Variants in CAMK1D observed in about 807,000 individuals in gnomAD.
CAMK1D encodes calcium/calmodulin-dependent protein kinase type 1D.
A neutral mutation model predicts 47.7 loss-of-function variants in CAMK1D; 9 were observed. The observed-to-expected ratio is 0.19, with a 90% CI of 0.11 to 0.33. CAMK1D has a LOEUF of 0.33. Among genes scored for constraint, CAMK1D ranks in the 10% least tolerant of loss-of-function variants. CAMK1D has a pLI of 1.00. For synonymous variants in CAMK1D, 184 were observed against 184.9 expected (o/e 0.99, Z 0.04); for missense variants, 291 against 488.7 (o/e 0.60, Z 3.81).
At chr10:12,427,698 C>CTTTTTTTTTTTTTTTTTTTT (rs1588474191) in intron 1 of CAMK1D, among the ~76,000 whole-genome samples, 1 of 27,388 alleles carries the variant, frequency 3.7e-5, no homozygotes. Context: ...ACTGAACTTA[C>CTTTTTTTTTTTTTTTTTTTT]TGTTTTTTTT....
intron 2 of CAMK1D, among the ~76,000 whole-genome samples, chr10:12,657,554 T>C (rs1840154315): frequency 6.6e-6 from 1 of 152,246 alleles, no homozygotes; most frequent in African/African-American, 2.4e-5. Flanking sequence ...TTAAGACATT[T>C]ATTGTCTACA....
intron 1 of CAMK1D, among the ~76,000 whole-genome samples, chr10:12,518,125 T>G (rs183607414): frequency 1.7e-3 from 261 of 152,332 alleles, no homozygotes; most frequent in African/African-American, 5.8e-3. Context: ...TTTTATCTAC[T>G]AAAGAACTGG....
chr10:12,820,579 C>T (rs1481181096), intron 8 of CAMK1D, among the ~76,000 whole-genome samples: 1 of 152,214 alleles, frequency 6.6e-6, no homozygotes, highest in African/African-American at 2.4e-5. Context: ...CCTGACACCC[C>T]GAGAGCATCA....
chr10:12,443,208 C>A (rs925303040), intron 1 of CAMK1D, among the ~76,000 whole-genome samples: 1 of 152,130 alleles, frequency 6.6e-6, no homozygotes. Flanking sequence ...TGCGGCAGAT[C>A]TTCTCGGGGT....
chr10:12,488,526 T>TG (rs759548007), intron 1 of CAMK1D, among the ~76,000 whole-genome samples: 107 of 152,182 alleles, frequency 7.0e-4, no homozygotes, highest in Non-Finnish European at 1.1e-3. Flanking sequence ...TGGACTGGGA[T>TG]GGGGGATGGT....
intron 1 of CAMK1D, among the ~76,000 whole-genome samples, chr10:12,378,938 T>G (rs1034208059): frequency 6.6e-6 from 1 of 151,870 alleles, no homozygotes; most frequent in Non-Finnish European, 1.5e-5. Context: ...GCCTCCCAGG[T>G]AGCTGGGACT....
chr10:12,402,224 G>A (rs1564316652), intron 1 of CAMK1D, among the ~76,000 whole-genome samples: 1 of 151,444 alleles, frequency 6.6e-6, no homozygotes. Flanking sequence ...TTACAGGCAC[G>A]AGCCACCGCG....
chr10:12,811,603 A>G (rs1428406650), intron 6 of CAMK1D, among the ~76,000 whole-genome samples: 2 of 152,244 alleles, frequency 1.3e-5, no homozygotes, highest in African/African-American at 4.8e-5. Context: ...AAAAAGAGCT[A>G]AGACCAGAAG....
In CAMK1D at chr10:12,831,596, G is replaced by A. The variant is rs1429305107; in HGVS notation, c.*2709G>A. ...CTCTGAAAGGTGAGCCGTGGTGCAG[G>A]TGCCCCCCTCGCTGTTCGGGTCAGT... On this transcript the variant is annotated 3_prime_UTR_variant, in exon 11 of 11. Coordinates refer to ENST00000619168, the MANE Select transcript of CAMK1D (RefSeq NM_153498.4). 1 of 152,196 alleles carries A rather than the reference G, an allele frequency of 6.6e-6. No individual in the cohort carries two copies. The highest frequency in any genetic ancestry group is 1.5e-5 in the Non-Finnish European group (1 of 68,050). 9.4% of individuals were successfully genotyped at this position (152,196 alleles called of 1,614,324 possible). A position where few individuals can be genotyped will look rare whatever the true frequency, so the allele number is the denominator to read the frequency against.
chr10:12,695,205 A>G (rs1484141423), intron 3 of CAMK1D, among the ~76,000 whole-genome samples: 1 of 152,208 alleles, frequency 6.6e-6, no homozygotes, highest in Non-Finnish European at 1.5e-5. Flanking sequence ...TTAACAAGAA[A>G]AGATCCCATT....
chr10:12,760,074 G>T (rs931340738), intron 3 of CAMK1D, among the ~76,000 whole-genome samples: 1 of 152,054 alleles, frequency 6.6e-6, no homozygotes, highest in African/African-American at 2.4e-5. Flanking sequence ...GATTTGAGAT[G>T]ATTTGGAGAA....
At chr10:12,410,420 G>A (rs2801485) in intron 1 of CAMK1D, among the ~76,000 whole-genome samples, 148,951 of 152,226 alleles carry the variant, frequency 0.98, 72,955 homozygotes, top group Middle Eastern at 1. Context: ...AGAACAGTTC[G>A]CCCCCTACCT....
intron 1 of CAMK1D, among the ~76,000 whole-genome samples, chr10:12,408,358 G>A (rs2131936150): frequency 6.7e-6 from 1 of 148,974 alleles, no homozygotes; most frequent in South Asian, 2.1e-4. Context: ...TAGAGATGGG[G>A]TTTTGCCATT....
At chr10:12,740,323 G>T (rs1476049662) in intron 3 of CAMK1D, among the ~76,000 whole-genome samples, 3 of 152,362 alleles carry the variant, frequency 2.0e-5, no homozygotes, top group East Asian at 1.9e-4. Context: ...GATGGGCCAG[G>T]CACAGTGGCT....
At chr10:12,557,424 C>T (rs1486071154) in intron 2 of CAMK1D, among the ~76,000 whole-genome samples, 2 of 151,546 alleles carry the variant, frequency 1.3e-5, no homozygotes, top group East Asian at 1.9e-4. Context: ...TGGTGGTGGG[C>T]GCCTGTAGTC....
At chr10:12,685,059 G>C (rs1053911014) in intron 3 of CAMK1D, among the ~76,000 whole-genome samples, 2 of 152,338 alleles carry the variant, frequency 1.3e-5, no homozygotes, top group Admixed American at 1.3e-4. Context: ...CCAACACTTT[G>C]GGAGGCCGAG....
Position 12,807,889 on chromosome 10 carries a change from A to G in CAMK1D, c.642-6306A>G, listed in dbSNP as rs151252441. On this transcript the variant is annotated intron_variant, in intron 6 of 10. Coordinates refer to ENST00000619168, the MANE Select transcript of CAMK1D (RefSeq NM_153498.4). ...CCGCCACATCTCTGCTGCAAAGCCA[A>G]TTGTCCCTATCGCCCCTCTGTCTAC... Among the ~76,000 whole-genome samples, 55 of 152,242 alleles carry G rather than the reference A, an allele frequency of 3.6e-4. 1 individual carries two copies. The East Asian group carries it at 9.5e-3, about 26-fold the overall frequency.
intron 10 of CAMK1D, among the ~76,000 whole-genome samples, chr10:12,827,440 T>C (rs142399279): frequency 0.027 from 608 of 22,528 alleles, 240 homozygotes; most frequent in Middle Eastern, 0.086. Flanking sequence ...TCCTTCCTTC[T>C]TTCTTTCTTT....
At chr10:12,567,346 A>G (rs1340793463) in intron 2 of CAMK1D, among the ~76,000 whole-genome samples, 1 of 152,136 alleles carries the variant, frequency 6.6e-6, no homozygotes, top group African/African-American at 2.4e-5. Flanking sequence ...CAGCTTTCCC[A>G]CGTACCATGA....
Sources: gnomAD v4.1 joint callset for allele counts (sites outside exome capture counted in the v4.1 genomes callset) on GRCh38, gnomAD v4.1.1 for gene constraint, MANE v1.5 for transcripts, NCBI Gene and HGNC (gene_info 2026-07-23, HGNC 2026-07-21) for gene names.